The following EXOC4 variants were observed in gnomAD, a reference collection of about 807,000 sequenced individuals.
EXOC4 encodes the protein exocyst complex component 4.
Under a neutral mutation model 107.2 loss-of-function variants are expected in EXOC4, and 71 were observed. The observed-to-expected ratio is 0.66, with a 90% CI of 0.55 to 0.81. The LOEUF (loss-of-function observed/expected upper bound fraction) is 0.81. Among genes scored for constraint, EXOC4 ranks in the 30% least tolerant of loss-of-function variants. The pLI is 0.00. For missense variants in EXOC4, 1,108 were observed against 1,189.6 expected, an observed-to-expected ratio of 0.93 and a Z score of 1.01; for synonymous variants, 456 against 441.2, an observed-to-expected ratio of 1.03 and a Z score of -0.42.
intron 11 of EXOC4, among the ~76,000 whole-genome samples, chr7:133,818,160 A>G (rs549310180): frequency 1.3e-5 from 2 of 152,352 alleles, no homozygotes; most frequent in Non-Finnish European, 2.9e-5. Flanking sequence ...TATATTTTAT[A>G]TACATTTTAG....
chr7:133,533,004 C>T (rs1329547787), intron 9 of EXOC4, among the ~76,000 whole-genome samples: 1 of 151,922 alleles, frequency 6.6e-6, no homozygotes, highest in African/African-American at 2.4e-5. Flanking sequence ...CCATTGATTG[C>T]CACTGGGAAT....
intron 11 of EXOC4, among the ~76,000 whole-genome samples, chr7:133,869,440 A>G (rs1211107758): frequency 1.4e-4 from 22 of 152,118 alleles, no homozygotes; most frequent in Non-Finnish European, 3.2e-4. Context: ...TGTGAGGACT[A>G]AATGAGATGA....
chr7:133,277,515 T>C (rs554884337), intron 2 of EXOC4, among the ~76,000 whole-genome samples: 22 of 152,372 alleles, frequency 1.4e-4, no homozygotes, highest in African/African-American at 4.6e-4. Flanking sequence ...TCGCCTGATA[T>C]TGAAAAAGAG....
At chr7:133,680,762 C>T (rs1237326131) in intron 10 of EXOC4, among the ~76,000 whole-genome samples, 3 of 152,108 alleles carry the variant, frequency 2.0e-5, no homozygotes, top group Non-Finnish European at 4.4e-5. Context: ...TGAACTTTTC[C>T]CACTTTAAAT....
rs527526601 is a variant in EXOC4 at position 133,268,667 on chromosome 7, T to C, written c.87-6315T>C. 1.7e-4 allele frequency among the ~76,000 whole-genome samples: 26 copies of C among 152,300 alleles called. 1 individual carries two copies. Among genetic ancestry groups the C allele is most frequent in the Non-Finnish European group, 3.4e-4 (23 of 68,014 alleles). On this transcript the variant is annotated intron_variant, in intron 1 of 17. Transcript: ENST00000253861. ...GAAAATGGGAAACAGACAAATTCAG[T>C]TTTAGATCTCCAGTTATTTACCCTG...
intron 7 of EXOC4, among the ~76,000 whole-genome samples, chr7:133,428,891 T>C (rs779353458): frequency 7.5e-4 from 114 of 152,244 alleles, no homozygotes; most frequent in Non-Finnish European, 1.1e-3. Context: ...TTTTGTGTTT[T>C]GTTTTTCCCT....
intron 17 of EXOC4, among the ~76,000 whole-genome samples, chr7:134,020,273 T>C (rs1234209667): frequency 6.6e-6 from 1 of 152,178 alleles, no homozygotes; most frequent in Non-Finnish European, 1.5e-5. Flanking sequence ...AGTTCTGATT[T>C]AGAAGGCTGA....
chr7:134,056,360 A>G (rs987770924), intron 17 of EXOC4, among the ~76,000 whole-genome samples: 2 of 152,252 alleles, frequency 1.3e-5, no homozygotes, highest in Non-Finnish European at 2.9e-5. Context: ...TGAAAGTAAA[A>G]TGAAGGCCCT....
At chr7:133,895,495 G>A in intron 11 of EXOC4, 104 bp from the exon 12 acceptor site, 1 of 1,160,294 alleles carries the variant, frequency 8.6e-7, no homozygotes, top group Non-Finnish European at 1.2e-6. Flanking sequence ...ATTCTTGCAG[G>A]AGAGCTCAGG....
intron 7 of EXOC4, among the ~76,000 whole-genome samples, chr7:133,428,870 A>T (rs1797786825): frequency 6.6e-6 from 1 of 152,140 alleles, no homozygotes; most frequent in Non-Finnish European, 1.5e-5. Context: ...CATTTTTCTT[A>T]AATTTTTTTC....
intron 9 of EXOC4, among the ~76,000 whole-genome samples, chr7:133,483,704 G>A (rs1420824062): frequency 2.6e-5 from 4 of 152,160 alleles, no homozygotes; most frequent in Non-Finnish European, 5.9e-5. Flanking sequence ...ATAAATCAGT[G>A]GACCAGTTTT....
At chr7:133,329,589 C>T (rs996489273) in intron 5 of EXOC4, among the ~76,000 whole-genome samples, 1 of 152,188 alleles carries the variant, frequency 6.6e-6, no homozygotes, top group African/African-American at 2.4e-5. Context: ...AAGTCGGTGA[C>T]CTTCAGATGG....
At chr7:133,653,879 A>T (rs1803223805) in intron 10 of EXOC4, among the ~76,000 whole-genome samples, 2 of 152,198 alleles carry the variant, frequency 1.3e-5, no homozygotes, top group African/African-American at 4.8e-5. Context: ...GAGAGTGCCC[A>T]GGGCAGCAGA....
chr7:133,824,315 C>T (rs909414461), intron 11 of EXOC4, among the ~76,000 whole-genome samples: 4 of 151,908 alleles, frequency 2.6e-5, no homozygotes, highest in South Asian at 2.1e-4. Context: ...CTACTGACTG[C>T]GCCCCAACCC....
In EXOC4 at chr7:133,821,190, T is replaced by C. The variant is rs570865518; in HGVS notation, c.1734+3646T>C. The stretch of plus-strand genomic sequence containing the variant: ...GTAGCATTTACTGTGAGTCAGACAC[T>C]ATTCTGGGTGCTTTGTCTGTATTGA... On this transcript the variant is annotated intron_variant, in intron 11 of 17. Transcript: ENST00000253861. 5.3e-5 allele frequency among the ~76,000 whole-genome samples: 8 copies of C among 152,334 alleles called. No individual in the cohort carries two copies. In the East Asian group the frequency reaches 1.5e-3, roughly 29 times the overall value.
At chr7:133,736,542 C>T (rs1413522217) in intron 10 of EXOC4, among the ~76,000 whole-genome samples, 1 of 152,184 alleles carries the variant, frequency 6.6e-6, no homozygotes. Flanking sequence ...GTTACATCAA[C>T]AGATTTCCTT....
At chr7:133,831,167 G>A (rs148453286) in intron 11 of EXOC4, among the ~76,000 whole-genome samples, 5,799 of 152,158 alleles carry the variant, frequency 0.038, 378 homozygotes, top group African/African-American at 0.13. Context: ...GTTTCACCAT[G>A]TTGGTCAGGC....
intron 7 of EXOC4, among the ~76,000 whole-genome samples, chr7:133,449,298 G>A (rs977435244): frequency 1.3e-5 from 2 of 152,056 alleles, no homozygotes; most frequent in Non-Finnish European, 2.9e-5. Context: ...CCAGAGGGAG[G>A]GTGACTCTGC....
intron 10 of EXOC4, among the ~76,000 whole-genome samples, chr7:133,797,622 G>A (rs956111252): frequency 3.3e-5 from 5 of 152,194 alleles, no homozygotes; most frequent in Non-Finnish European, 7.3e-5. Context: ...TTTGGAAAAC[G>A]GTGGCTGCAT....
Sources: gnomAD v4.1 joint callset for allele counts (sites outside exome capture counted in the v4.1 genomes callset) on GRCh38, gnomAD v4.1.1 for gene constraint, MANE v1.5 for transcripts, NCBI Gene and HGNC (gene_info 2026-07-23, HGNC 2026-07-21) for gene names.